The following CNTNAP2 variants were observed in gnomAD, a reference collection of about 807,000 sequenced individuals.
CNTNAP2 encodes the protein contactin associated protein 2, also known as contactin-associated protein-like 2.
A neutral mutation model predicts 155.2 loss-of-function variants in CNTNAP2; 98 were observed. That is an observed-to-expected ratio of 0.63 (90% CI 0.54 to 0.75). CNTNAP2 has a LOEUF of 0.75. Among genes scored for constraint, CNTNAP2 ranks in the 30% least tolerant of loss-of-function variants. The pLI is 0.00. For missense variants in CNTNAP2, 1,727 were observed against 1,688.1 expected (o/e 1.02, Z -0.40); for synonymous variants, 651 against 631.2 (o/e 1.03, Z -0.47).
intron 11 of CNTNAP2, among the ~76,000 whole-genome samples, chr7:147,541,458 G>T (rs1349478740): frequency 6.6e-6 from 1 of 152,200 alleles, no homozygotes; most frequent in African/African-American, 2.4e-5. Flanking sequence ...AGCTGTTGTT[G>T]TTGTTGTCGT....
intron 3 of CNTNAP2, among the ~76,000 whole-genome samples, chr7:146,944,144 A>G (rs1797109022): frequency 6.6e-6 from 1 of 151,652 alleles, no homozygotes; most frequent in East Asian, 1.9e-4. Context: ...ACGAGTATCA[A>G]CATATATTTT....
chr7:147,669,065 C>T (rs889807500), intron 13 of CNTNAP2, among the ~76,000 whole-genome samples: 1 of 152,208 alleles, frequency 6.6e-6, no homozygotes, highest in African/African-American at 2.4e-5. Flanking sequence ...TACAGCAACA[C>T]ACTGTACAGG....
chr7:147,831,821 C>T (rs1298958010), intron 13 of CNTNAP2: 1 of 152,124 alleles, frequency 6.6e-6, no homozygotes, highest in Non-Finnish European at 1.5e-5. Flanking sequence ...CAGGGAAGAT[C>T]AGCAAGGCCC....
intron 13 of CNTNAP2, among the ~76,000 whole-genome samples, chr7:147,774,151 C>A (rs973079492): frequency 4.6e-5 from 7 of 152,144 alleles, no homozygotes; most frequent in Non-Finnish European, 7.3e-5. Flanking sequence ...TCTCTTGGCA[C>A]TTAATGCTAT....
intron 1 of CNTNAP2, among the ~76,000 whole-genome samples, chr7:146,263,500 T>C (rs1055363182): frequency 6.6e-6 from 1 of 152,194 alleles, no homozygotes; most frequent in African/African-American, 2.4e-5. Context: ...GTAATTCAGC[T>C]TTTTCTAACC....
intron 1 of CNTNAP2, among the ~76,000 whole-genome samples, chr7:146,159,756 T>C (rs567185842): frequency 6.6e-6 from 1 of 152,250 alleles, no homozygotes; most frequent in East Asian, 1.9e-4. Context: ...CTTAGATACA[T>C]ACAACGAGAC....
chr7:146,836,184 T>G (rs78695584), intron 2 of CNTNAP2, among the ~76,000 whole-genome samples: 2,157 of 152,288 alleles, frequency 0.014, 27 homozygotes, highest in Non-Finnish European at 0.023. Context: ...GATACTTAAA[T>G]TTTTCCAAAT....
chr7:147,575,483 T>A (rs1231630475), intron 12 of CNTNAP2, among the ~76,000 whole-genome samples: 5 of 145,288 alleles, frequency 3.4e-5, no homozygotes, highest in African/African-American at 1.3e-4. Context: ...TATGTGTGTG[T>A]GTATTCCCTA....
intron 13 of CNTNAP2, among the ~76,000 whole-genome samples, chr7:147,764,713 A>C (rs1467092696): frequency 2.0e-5 from 3 of 152,256 alleles, no homozygotes. Context: ...TCTGGAAACA[A>C]AAGCTGCTGA....
At chr7:146,955,547 T>C (rs1408816817) in intron 3 of CNTNAP2, among the ~76,000 whole-genome samples, 1 of 151,950 alleles carries the variant, frequency 6.6e-6, no homozygotes, top group Non-Finnish European at 1.5e-5. Flanking sequence ...AAGGTAAACA[T>C]AGAAAATGGT....
intron 9 of CNTNAP2, among the ~76,000 whole-genome samples, chr7:147,337,484 G>T (rs1490099624): frequency 6.6e-6 from 1 of 152,130 alleles, no homozygotes; most frequent in Non-Finnish European, 1.5e-5. Flanking sequence ...CTACAAGTGA[G>T]AAAGGGGCCA....
At chr7:148,037,464 T>C (rs1802592015) in intron 15 of CNTNAP2, among the ~76,000 whole-genome samples, 1 of 152,230 alleles carries the variant, frequency 6.6e-6, no homozygotes, top group Admixed American at 6.5e-5. Flanking sequence ...GGGTTACATC[T>C]AGGTCAATAA....
chr7:146,588,518 A>T (rs150455823), intron 1 of CNTNAP2, among the ~76,000 whole-genome samples: 3 of 140,450 alleles, frequency 2.1e-5, no homozygotes, highest in Admixed American at 7.2e-5. Flanking sequence ...TATTATATGT[A>T]TTTTTTTTTT....
At chr7:146,640,255 A>T (rs967428794) in intron 1 of CNTNAP2, among the ~76,000 whole-genome samples, 5 of 152,208 alleles carry the variant, frequency 3.3e-5, no homozygotes, top group Admixed American at 1.3e-4. Context: ...CAAAGGAATT[A>T]TACTGAACGC....
At chr7:147,348,202 G>A (rs773885485) in intron 9 of CNTNAP2, among the ~76,000 whole-genome samples, 5 of 151,832 alleles carry the variant, frequency 3.3e-5, no homozygotes. Context: ...CACAACAAAG[G>A]ACATAATCAA....
rs1337235583 is a variant in CNTNAP2, at chr7:147,832,585, A to G, written c.2099-70980A>G. ...ATATATTATATTGAAATATATTGAA[A>G]TATATATTTTTACGTTTCAATATAT... On this transcript the variant is annotated intron_variant, in intron 13 of 23. Transcript: ENST00000361727. 3.4e-5 allele frequency among the ~76,000 whole-genome samples: 5 copies of G among 145,454 alleles called. No homozygotes were observed. In the Admixed American group the frequency reaches 3.6e-4, roughly 10 times the overall value.
intron 3 of CNTNAP2, among the ~76,000 whole-genome samples, chr7:147,000,808 C>G (rs1357218449): frequency 6.6e-6 from 1 of 152,084 alleles, no homozygotes; most frequent in Non-Finnish European, 1.5e-5. Flanking sequence ...CCCATGACCT[C>G]TGAGGTCTGC....
chr7:146,546,566 G>C (rs951893918), intron 1 of CNTNAP2, among the ~76,000 whole-genome samples: 1 of 151,706 alleles, frequency 6.6e-6, no homozygotes, highest in Non-Finnish European at 1.5e-5. Flanking sequence ...TACCATCTAA[G>C]TTATACTTGG....
intron 14 of CNTNAP2, among the ~76,000 whole-genome samples, chr7:147,963,825 C>T (rs1026907597): frequency 2.0e-5 from 3 of 152,050 alleles, no homozygotes; most frequent in Admixed American, 6.6e-5. Flanking sequence ...TATTAGTATA[C>T]CCATGAAATT....
Sources: allele counts gnomAD v4.1 joint callset (sites outside exome capture counted in the v4.1 genomes callset), GRCh38; gene constraint gnomAD v4.1.1; transcripts MANE v1.5; gene names NCBI Gene and HGNC (gene_info 2026-07-23, HGNC 2026-07-21).